The following AFG2A variants were observed in gnomAD, a reference collection of about 807,000 sequenced individuals.
AFG2A encodes ATPase family gene 2 protein homolog A.
At chr4:123,072,665 A>C in the AFG2A span, among the ~76,000 whole-genome samples, 2 of 152,186 alleles carry the variant, frequency 1.3e-5, no homozygotes, top group Non-Finnish European at 1.5e-5. Context: ...ATAATTTCCC[A>C]TAATTTTAAA....
chr4:123,063,687 A>G, the AFG2A span, among the ~76,000 whole-genome samples: 1 of 152,038 alleles, frequency 6.6e-6, no homozygotes, highest in Non-Finnish European at 1.5e-5. Context: ...CGGAGCTTGC[A>G]GTGAGCTGAG....
At chr4:123,179,362 A>G in the AFG2A span, among the ~76,000 whole-genome samples, 2 of 152,024 alleles carry the variant, frequency 1.3e-5, no homozygotes, top group Non-Finnish European at 2.9e-5. Flanking sequence ...TAAGTACGTG[A>G]CAGAGTCTCA....
At chr4:123,275,265 T>A in the AFG2A span, among the ~76,000 whole-genome samples, 1 of 152,104 alleles carries the variant, frequency 6.6e-6, no homozygotes. Context: ...GAGACCCCTG[T>A]AGGTGGTGAA....
chr4:123,218,974 C>T, the AFG2A span, among the ~76,000 whole-genome samples: 2 of 152,092 alleles, frequency 1.3e-5, no homozygotes, highest in Admixed American at 1.3e-4. Flanking sequence ...CAATAGGAGC[C>T]ATTTATTATC....
At chr4:123,264,405 A>T in the AFG2A span, among the ~76,000 whole-genome samples, 1 of 152,202 alleles carries the variant, frequency 6.6e-6, no homozygotes, top group East Asian at 1.9e-4. Context: ...TGCAAACTTT[A>T]ACCTGCCATG....
chr4:123,087,165 T>C, the AFG2A span, among the ~76,000 whole-genome samples: 1 of 152,204 alleles, frequency 6.6e-6, no homozygotes, highest in African/African-American at 2.4e-5. Context: ...TAAAATGAAT[T>C]GCAGTAAATG....
At chr4:123,175,211 A>T in the AFG2A span, among the ~76,000 whole-genome samples, 1 of 152,322 alleles carries the variant, frequency 6.6e-6, no homozygotes, top group East Asian at 1.9e-4. Context: ...AGAGTAAAAA[A>T]ATTAACAGAA....
At chr4:123,061,910 A>G in the AFG2A span, among the ~76,000 whole-genome samples, 3 of 152,182 alleles carry the variant, frequency 2.0e-5, no homozygotes, top group African/African-American at 7.2e-5. Context: ...TTGGACCCTA[A>G]AAAGGAACAG....
At chr4:123,164,627 A>G in the AFG2A span, among the ~76,000 whole-genome samples, 5 of 152,206 alleles carry the variant, frequency 3.3e-5, no homozygotes, top group African/African-American at 1.2e-4. Flanking sequence ...TAATTGTATA[A>G]TTATCTAATT....
the AFG2A span, among the ~76,000 whole-genome samples, chr4:122,999,322 A>C: frequency 6.6e-6 from 1 of 152,108 alleles, no homozygotes; most frequent in Non-Finnish European, 1.5e-5. Context: ...ATTAGATCCC[A>C]TTTGTCAATT....
At chr4:122,997,293 C>A in the AFG2A span, among the ~76,000 whole-genome samples, 1 of 152,268 alleles carries the variant, frequency 6.6e-6, no homozygotes, top group Non-Finnish European at 1.5e-5. Flanking sequence ...AAAAGAAACC[C>A]TGTGCCCTGT....
chr4:123,246,466 G>A, the AFG2A span, among the ~76,000 whole-genome samples: 1 of 152,140 alleles, frequency 6.6e-6, no homozygotes. Flanking sequence ...CGGACTGTGA[G>A]ATAAGGACCA....
the AFG2A span, among the ~76,000 whole-genome samples, chr4:122,950,608 G>A: frequency 6.6e-6 from 1 of 152,210 alleles, no homozygotes; most frequent in Non-Finnish European, 1.5e-5. Context: ...CCAAAGTGGT[G>A]GGATTACAGG....
At chr4:123,123,550 T>A in the AFG2A span, among the ~76,000 whole-genome samples, 2 of 152,166 alleles carry the variant, frequency 1.3e-5, no homozygotes, top group Non-Finnish European at 2.9e-5. Flanking sequence ...TCAAAATATC[T>A]GGTATACTCT....
chr4:123,209,913 G>T, the AFG2A span, among the ~76,000 whole-genome samples: 1 of 152,006 alleles, frequency 6.6e-6, no homozygotes, highest in African/African-American at 2.4e-5. Context: ...CTTCAGCTTT[G>T]GGTTTTGATA....
At chr4:123,279,636 A>G in the AFG2A span, among the ~76,000 whole-genome samples, 2 of 152,326 alleles carry the variant, frequency 1.3e-5, no homozygotes, top group East Asian at 1.9e-4. Context: ...AGATTAAATT[A>G]TATCACCTAT....
the AFG2A span, among the ~76,000 whole-genome samples, chr4:123,115,236 C>A: frequency 2.0e-5 from 3 of 152,132 alleles, no homozygotes; most frequent in East Asian, 5.8e-4. Flanking sequence ...GCTTGAGACC[C>A]TGCCGGGGGG....
At chr4:123,057,383 T>C in the AFG2A span, 6 of 1,313,970 alleles carry the variant, frequency 4.6e-6, no homozygotes, top group Non-Finnish European at 6.3e-6. Context: ...ATACAACTTT[T>C]ATCTATTAAT....
chr4:123,044,305 A>T, the AFG2A span, among the ~76,000 whole-genome samples: 2 of 152,192 alleles, frequency 1.3e-5, no homozygotes, highest in African/African-American at 2.4e-5. Context: ...ATCTTCTTCA[A>T]TTAGGGAACA....
Sources: gnomAD v4.1 joint callset for allele counts (sites outside exome capture counted in the v4.1 genomes callset) on GRCh38, gnomAD v4.1.1 for gene constraint, MANE v1.5 for transcripts, NCBI Gene and HGNC (gene_info 2026-07-23, HGNC 2026-07-21) for gene names.